The following MCMBP variants were observed in gnomAD, a reference collection of about 807,000 sequenced individuals.
MCMBP encodes minichromosome maintenance complex binding protein.
MCMBP carries 31 observed loss-of-function variants against 81.3 expected under a neutral mutation model. That is an observed-to-expected ratio of 0.38 (90% CI 0.29 to 0.51). The LOEUF is 0.51. MCMBP is among the 20% of genes least tolerant of loss of function. The probability of loss-of-function intolerance (pLI) is 0.87; values close to 1 mark genes in which losing one functional copy is unlikely to be tolerated. For synonymous variants in MCMBP, 267 were observed against 275.9 expected, an observed-to-expected ratio of 0.97 and a Z score of 0.32; for missense variants, 645 against 772.1, an observed-to-expected ratio of 0.84 and a Z score of 1.95.
chr10:119,830,412 C>G lies in MCMBP; in HGVS notation c.*1062G>C, dbSNP rs114178745. 349 of 152,306 alleles carry G rather than the reference C, an allele frequency of 2.3e-3. 1 individual carries two copies. Among genetic ancestry groups the G allele is most frequent in the African/African-American group, 8.1e-3 (337 of 41,564 alleles). The allele number at this position is 152,306 out of a possible 1,614,324, so 9.4% of individuals were successfully genotyped here. ...TACCTGCAGTTGTACGAGGCTGTTACTGGAGTAGCAGATGTTAGCTGATCT... is the reference window on the plus strand; with the variant it reads ...TACCTGCAGTTGTACGAGGCTGTTAGTGGAGTAGCAGATGTTAGCTGATCT... On this transcript the variant is annotated 3_prime_UTR_variant, in exon 16 of 16. Coordinates refer to ENST00000369077, the MANE Select transcript of MCMBP (RefSeq NM_001256378.2).
intron 5 of MCMBP, among the ~76,000 whole-genome samples, chr10:119,856,844 C>T (rs1213720945): frequency 1.1e-4 from 16 of 152,036 alleles, no homozygotes; most frequent in East Asian, 1.9e-4. Flanking sequence ...GTGCCTTAGG[C>T]GGAGCATGCA....
chr10:119,831,699 C>CGTTAGGA, intron 15 of MCMBP, 99 bp from the exon 16 acceptor site: 1 of 1,358,986 alleles, frequency 7.4e-7, no homozygotes, highest in Non-Finnish European at 1.0e-6. Context: ...ACACAGAGCA[C>CGTTAGGA]GTTAGGAGAC....
intron 6 of MCMBP, among the ~76,000 whole-genome samples, chr10:119,850,877 T>TTTTA (rs2134372102): frequency 6.7e-6 from 1 of 148,436 alleles, no homozygotes; most frequent in South Asian, 2.2e-4. Context: ...AAGATCTGTT[T>TTTTA]TTTTTTTTTT....
At chr10:119,841,530 A>G (rs764884911) in intron 10 of MCMBP, among the ~76,000 whole-genome samples, 58 of 152,376 alleles carry the variant, frequency 3.8e-4, no homozygotes, top group African/African-American at 1.4e-3. Flanking sequence ...ATGAAGCATT[A>G]TGATGGGAAA....
intron 6 of MCMBP, 66 bp from the exon 7 acceptor site, chr10:119,849,642 A>G (rs965971327): frequency 7.7e-6 from 11 of 1,427,480 alleles, no homozygotes; most frequent in South Asian, 3.0e-5. Context: ...AGAACATTCC[A>G]TAAGTGCCTT....
At chr10:119,866,596 A>C (rs750720211) in intron 1 of MCMBP, among the ~76,000 whole-genome samples, 1 of 152,218 alleles carries the variant, frequency 6.6e-6, no homozygotes, top group African/African-American at 2.4e-5. Flanking sequence ...ACTGCACTCC[A>C]GCCTGGGCAA....
intron 1 of MCMBP, among the ~76,000 whole-genome samples, chr10:119,864,479 A>T (rs1480412293): frequency 6.7e-6 from 1 of 149,152 alleles, no homozygotes; most frequent in Non-Finnish European, 1.5e-5. Flanking sequence ...TTTCTTTTCT[A>T]ATATTGGTAA....
rs142205969 is a variant in MCMBP at position 119,868,319 on chromosome 10, G to A, written c.58+4208C>T. Among the ~76,000 whole-genome samples, 87 of 152,244 alleles carry A rather than the reference G, an allele frequency of 5.7e-4. 1 individual carries two copies. The highest frequency in any genetic ancestry group is 2.0e-3 in the African/African-American group (83 of 41,534). ...TGCACACTTTTAATCCCAGCTACTC[G>A]AGAGGCTGAGGCATGAGAATGGCTT... On this transcript the variant is annotated intron_variant, in intron 1 of 15. Coordinates refer to ENST00000369077, the MANE Select transcript of MCMBP (RefSeq NM_001256378.2).
chr10:119,831,657 T>A lies in MCMBP; in HGVS notation c.1797-57A>T, dbSNP rs1852041552. 1.9e-6 allele frequency: 3 copies of A among 1,574,708 alleles called. No homozygotes were observed. The Admixed American group carries it at 5.6e-5, about 29-fold the overall frequency. On this transcript the variant is annotated intron_variant, in intron 15 of 15. Transcript: ENST00000369077. ...TAGAGCTGGGATAGTAAGTTTTAAA[T>A]TTTTTTTAAGACCTAGGAATACTTT...
chr10:119,839,443 TAG>T (rs1429689993), intron 11 of MCMBP, among the ~76,000 whole-genome samples: 5 of 152,288 alleles, frequency 3.3e-5, no homozygotes, highest in Admixed American at 2.0e-4. Context: ...TGCGAAAATT[TAG>T]AGGAGTTTTG....
Position 119,862,470 on chromosome 10 carries a change from A to G in MCMBP, c.59-2586T>C, listed in dbSNP as rs138680985. ...CTATACAGTGAATCATATAAGTCCT[A>G]GTAAATCTTCAAGCATATGGGTGGT... is the stretch of plus-strand genomic sequence containing the variant. On this transcript the variant is annotated intron_variant, in intron 1 of 15. Coordinates refer to ENST00000369077, the MANE Select transcript of MCMBP (RefSeq NM_001256378.2). 1.5e-3 allele frequency among the ~76,000 whole-genome samples: 224 copies of G among 152,356 alleles called. 5 individuals are homozygous for G. Among genetic ancestry groups the G allele is most frequent in the Admixed American group, 0.013 (199 of 15,304 alleles).
chr10:119,866,550 C>T (rs574200695), intron 1 of MCMBP, among the ~76,000 whole-genome samples: 11 of 151,840 alleles, frequency 7.2e-5, no homozygotes, highest in East Asian at 3.9e-4. Context: ...CGCTTGAACC[C>T]GGTAAGCAGA....
At chr10:119,862,775 C>T (rs1283024204) in intron 1 of MCMBP, among the ~76,000 whole-genome samples, 2 of 152,196 alleles carry the variant, frequency 1.3e-5, no homozygotes, top group African/African-American at 2.4e-5. Flanking sequence ...AGTGGCTGCA[C>T]CATTTTGCTA....
Position 119,859,185 on chromosome 10 carries a change from A to C in MCMBP, c.145-4T>G, listed in dbSNP as rs200512529. Reference sequence around the variant, plus strand: ...GAACTTCGTTCAGTGATGGTACCTTAAAGGAAAATAATCAAGTCAGTCAAC... The same window carrying C: ...GAACTTCGTTCAGTGATGGTACCTTCAAGGAAAATAATCAAGTCAGTCAAC... On this transcript the variant is annotated splice_region_variant and splice_polypyrimidine_tract_variant and intron_variant, in intron 2 of 15. Coordinates refer to ENST00000369077, the MANE Select transcript of MCMBP (RefSeq NM_001256378.2). 6.2e-7 allele frequency: 1 copy of C among 1,610,726 alleles called. No individual in the cohort carries two copies. The highest frequency in any genetic ancestry group is 8.5e-7 in the Non-Finnish European group (1 of 1,179,084).
chr10:119,840,762 A>C (rs921527956), intron 11 of MCMBP, 81 bp downstream of exon 11: 4 of 749,838 alleles, frequency 5.3e-6, no homozygotes, highest in Non-Finnish European at 8.4e-6. Context: ...TCTAAGTTAA[A>C]TATTTGAAGT....
At chr10:119,854,530 C>T (rs1007211965) in intron 5 of MCMBP, among the ~76,000 whole-genome samples, 4 of 135,652 alleles carry the variant, frequency 2.9e-5, no homozygotes, top group Non-Finnish European at 6.2e-5. Context: ...AAGGGAGAGA[C>T]CCTGTCTCAA....
intron 1 of MCMBP, among the ~76,000 whole-genome samples, chr10:119,867,882 C>T (rs1418659628): frequency 1.3e-5 from 2 of 152,110 alleles, no homozygotes; most frequent in African/African-American, 2.4e-5. Context: ...AAGCTGGGTA[C>T]AGACAATAAG....
chr10:119,865,048 G>A (rs1853403912), intron 1 of MCMBP, among the ~76,000 whole-genome samples: 1 of 152,212 alleles, frequency 6.6e-6, no homozygotes, highest in Non-Finnish European at 1.5e-5. Context: ...ACAGTGTTGT[G>A]TAGTTTTGTG....
At chr10:119,854,657 A>T (rs990320046) in intron 5 of MCMBP, among the ~76,000 whole-genome samples, 4 of 149,762 alleles carry the variant, frequency 2.7e-5, no homozygotes, top group Admixed American at 1.3e-4. Flanking sequence ...ATCTGTATTT[A>T]AAAAAAAAAT....
Sources: allele counts gnomAD v4.1 joint callset (sites outside exome capture counted in the v4.1 genomes callset), GRCh38; gene constraint gnomAD v4.1.1; transcripts MANE v1.5; gene names NCBI Gene and HGNC (gene_info 2026-07-23, HGNC 2026-07-21).